Variants in KIAA0040 observed in about 807,000 individuals in gnomAD.
The protein encoded by KIAA0040 is KIAA0040.
In KIAA0040, 10 loss-of-function variants were observed where a neutral mutation model predicts 7.2. The ratio of observed to expected loss-of-function variants is 1.38; its 90% CI spans 0.85 to 2.34. The LOEUF is 2.34. Among genes scored for constraint, KIAA0040 ranks in the 30% most tolerant of loss-of-function variants. The probability of loss-of-function intolerance (pLI) is 0.00; values close to 1 mark genes in which losing one functional copy is unlikely to be tolerated. For missense variants in KIAA0040, 89 were observed against 108.2 expected (o/e 0.82, Z 0.79); for synonymous variants, 49 against 40.1 (o/e 1.22, Z -0.84).
intron 3 of KIAA0040, among the ~76,000 whole-genome samples, chr1:175,164,176 C>T (rs1676662539): frequency 6.6e-6 from 1 of 152,138 alleles, no homozygotes; most frequent in Non-Finnish European, 1.5e-5. Flanking sequence ...GTGATCAGAG[C>T]TGCCTTTCAG....
At chr1:175,173,920 G>A (rs746559573) in intron 2 of KIAA0040, among the ~76,000 whole-genome samples, 1 of 152,110 alleles carries the variant, frequency 6.6e-6, no homozygotes, top group African/African-American at 2.4e-5. Flanking sequence ...CTTTGGTTTC[G>A]TATCAAATTC....
chr1:175,171,028 C>T (rs1461429845), intron 2 of KIAA0040, among the ~76,000 whole-genome samples: 1 of 152,248 alleles, frequency 6.6e-6, no homozygotes, highest in Non-Finnish European at 1.5e-5. Context: ...GGACCGTCCA[C>T]TCGCTCAGGA....
chr1:175,174,673 T>C (rs145044808), intron 2 of KIAA0040, among the ~76,000 whole-genome samples: 31 of 152,332 alleles, frequency 2.0e-4, no homozygotes, highest in African/African-American at 6.3e-4. Context: ...CTCTTACTGA[T>C]GCAGTCCTCC....
rs550234485 is a variant in KIAA0040 at position 175,178,978 on chromosome 1, G to C, written c.-383-1294C>G. The stretch of plus-strand genomic sequence containing the variant: ...CAGAGTGGGGGACGGGGCGGGGGGG[G>C]GGATATCATGGAGGAGATAGAGGCT... On this transcript the variant is annotated intron_variant, in intron 1 of 3. Transcript: ENST00000423313. Among the ~76,000 whole-genome samples the C allele has an allele frequency of 3.8e-4, 56 of 149,240 alleles. No homozygotes were observed. The East Asian group carries it at 5.0e-3, about 13-fold the overall frequency.
At position 175,172,329 on chromosome 1, in the gene KIAA0040, T is replaced by A. The variant is rs570074838; in HGVS notation, c.-310+5282A>T. ...CCTCCTCAAGGTCAAGGAAATTTCC[T>A]AATTTTTCTTCTTATATGCCAGAAA... On this transcript the variant is annotated intron_variant, in intron 2 of 3. Coordinates refer to ENST00000423313, the MANE Select transcript of KIAA0040 (RefSeq NM_014656.3). Among the ~76,000 whole-genome samples, 10 of 152,382 alleles carry A rather than the reference T, an allele frequency of 6.6e-5. No homozygotes were observed. In the South Asian group the frequency reaches 2.1e-3, roughly 32 times the overall value.
At chr1:175,172,423 A>C (rs1236732428) in intron 2 of KIAA0040, among the ~76,000 whole-genome samples, 1 of 152,206 alleles carries the variant, frequency 6.6e-6, no homozygotes, top group Non-Finnish European at 1.5e-5. Flanking sequence ...AATAAAAATT[A>C]AAAAAATTAG....
intron 2 of KIAA0040, among the ~76,000 whole-genome samples, chr1:175,172,021 C>T (rs974987581): frequency 6.6e-6 from 1 of 152,116 alleles, no homozygotes; most frequent in African/African-American, 2.4e-5. Flanking sequence ...TTCATGTGGA[C>T]TTTCTTTGAT....
upstream of KIAA0040, chr1:175,192,820 C>CGCCCT (rs1281096952): frequency 9.8e-5 from 14 of 143,520 alleles, no homozygotes; most frequent in African/African-American, 3.3e-4. Flanking sequence ...GGGAGCCGCC[C>CGCCCT]GCCCCGCCCC....
intron 2 of KIAA0040, among the ~76,000 whole-genome samples, chr1:175,172,577 T>C (rs1677030931): frequency 6.6e-6 from 1 of 152,146 alleles, no homozygotes; most frequent in Admixed American, 6.5e-5. Flanking sequence ...GTCTCTAAAA[T>C]AAAAAACAAA....
intron 1 of KIAA0040, among the ~76,000 whole-genome samples, chr1:175,183,185 T>C (rs981868171): frequency 3.9e-5 from 6 of 152,216 alleles, no homozygotes; most frequent in Non-Finnish European, 5.9e-5. Context: ...GCTTGCTCAC[T>C]GATAGTACAG....
intron 1 of KIAA0040, among the ~76,000 whole-genome samples, chr1:175,183,833 G>A (rs1677542362): frequency 6.6e-6 from 1 of 152,212 alleles, no homozygotes; most frequent in East Asian, 1.9e-4. Context: ...GCAGGCTCCT[G>A]GGTGGTAGGT....
intron 1 of KIAA0040, among the ~76,000 whole-genome samples, chr1:175,179,058 G>A (rs1444146215): frequency 6.6e-6 from 1 of 152,034 alleles, no homozygotes; most frequent in Non-Finnish European, 1.5e-5. Flanking sequence ...TTCTGGTGGG[G>A]AAAAGGGCAA....
Position 175,159,286 on chromosome 1 carries a change from T to C in KIAA0040, c.*1428A>G, listed in dbSNP as rs1676427177. The C allele has an allele frequency of 6.6e-6, 1 of 152,298 alleles. No individual in the cohort carries two copies. The highest frequency in any genetic ancestry group is 2.1e-4 in the South Asian group (1 of 4,828). The allele number at this position is 152,298 out of a possible 1,614,324, so 9.4% of individuals were successfully genotyped here. On this transcript the variant is annotated 3_prime_UTR_variant, in exon 4 of 4. Transcript: ENST00000423313. ...CAGCTCACTGTGGATCTAATTTACA[T>C]GTCCTCACATACCTCAAGGCACATG...
At chr1:175,189,965 G>C (rs1030320188) in intron 1 of KIAA0040, among the ~76,000 whole-genome samples, 23 of 152,122 alleles carry the variant, frequency 1.5e-4, no homozygotes, top group Admixed American at 5.2e-4. Flanking sequence ...ATCCTGAGCC[G>C]AGCACTGGCA....
chr1:175,189,921 C>T (rs558118495), intron 1 of KIAA0040, among the ~76,000 whole-genome samples: 1 of 152,338 alleles, frequency 6.6e-6, no homozygotes, highest in South Asian at 2.1e-4. Context: ...TAGCTCCAAG[C>T]TCAAGGTTTT....
intron 3 of KIAA0040, among the ~76,000 whole-genome samples, chr1:175,164,772 C>T (rs1676690607): frequency 6.6e-6 from 1 of 152,118 alleles, no homozygotes; most frequent in Non-Finnish European, 1.5e-5. Context: ...ACTTGCTGAG[C>T]TCTGCTAATC....
At chr1:175,170,767 A>G (rs1164762344) in intron 2 of KIAA0040, among the ~76,000 whole-genome samples, 1 of 151,934 alleles carries the variant, frequency 6.6e-6, no homozygotes, top group Non-Finnish European at 1.5e-5. Flanking sequence ...TTCCTAACCA[A>G]TCTCTCTGGT....
chr1:175,178,987 T>G, intron 1 of KIAA0040, among the ~76,000 whole-genome samples: 1 of 148,926 alleles, frequency 6.7e-6, no homozygotes. Context: ...GGGGATATCA[T>G]GGAGGAGATA....
rs1450703295 is a variant in KIAA0040 at position 175,177,643 on chromosome 1, G to T, written c.-342C>A. On this transcript the variant is annotated 5_prime_UTR_variant, in exon 2 of 4. Transcript: ENST00000423313. Reference sequence around the variant, plus strand: ...GTGTCCTTGGGAAGGTCACTCAGCTGCTTTGAGTCTCAGTTTCTTCATCTC... The same window carrying T: ...GTGTCCTTGGGAAGGTCACTCAGCTTCTTTGAGTCTCAGTTTCTTCATCTC... The T allele has an allele frequency of 1.3e-5, 2 of 152,224 alleles. No homozygotes were observed. The highest frequency in any genetic ancestry group is 2.9e-5 in the Non-Finnish European group (2 of 68,048). 9.4% of individuals were successfully genotyped at this position (152,224 alleles called of 1,614,324 possible). A position where few individuals can be genotyped will look rare whatever the true frequency, so the allele number is the denominator to read the frequency against.
Sources: gnomAD v4.1 joint callset for allele counts (sites outside exome capture counted in the v4.1 genomes callset) on GRCh38, gnomAD v4.1.1 for gene constraint, MANE v1.5 for transcripts, NCBI Gene and HGNC (gene_info 2026-07-23, HGNC 2026-07-21) for gene names.